NEBL: variants seen among roughly 807,000 people sequenced by gnomAD.
NEBL encodes the protein nebulette, also known as LIM and SH3 protein 2.
In NEBL, 122 loss-of-function variants were observed where a neutral mutation model predicts 140.2. The observed-to-expected ratio is 0.87, with a 90% CI of 0.75 to 1.01. The LOEUF (loss-of-function observed/expected upper bound fraction) is 1.01. NEBL is among the 50% of genes least tolerant of loss of function. The pLI is 0.00. For synonymous variants in NEBL, 436 were observed against 398.9 expected, an observed-to-expected ratio of 1.09 and a Z score of -1.11; for missense variants, 1,365 against 1,231.3, an observed-to-expected ratio of 1.11 and a Z score of -1.62.
At chr10:20,866,161 C>T (rs558122948) in intron 7 of NEBL, among the ~76,000 whole-genome samples, 5 of 152,038 alleles carry the variant, frequency 3.3e-5, no homozygotes, top group Admixed American at 1.3e-4. Flanking sequence ...CCTATAATTG[C>T]GCTCTGAAAT....
chr10:21,137,222 G>C (rs976460973), intron 2 of NEBL, among the ~76,000 whole-genome samples: 5 of 152,100 alleles, frequency 3.3e-5, no homozygotes, highest in African/African-American at 7.2e-5. Context: ...TGTCTCAAAG[G>C]GTTGTTAAAA....
At chr10:21,227,699 T>TTCC (rs1842176433) in intron 3 of NEBL, among the ~76,000 whole-genome samples, 1 of 80,662 alleles carries the variant, frequency 1.2e-5, no homozygotes, top group African/African-American at 6.4e-5. Context: ...CTTCTTCTTC[T>TTCC]TCTTCTTCTT....
intron 2 of NEBL, among the ~76,000 whole-genome samples, chr10:21,166,112 C>T (rs561043068): frequency 6.8e-6 from 1 of 147,922 alleles, no homozygotes; most frequent in South Asian, 2.2e-4. Context: ...CCCAGCTACT[C>T]CGGAGGCTGA....
intron 26 of NEBL, among the ~76,000 whole-genome samples, chr10:20,799,181 A>G (rs970373998): frequency 1.3e-5 from 2 of 152,196 alleles, no homozygotes; most frequent in Non-Finnish European, 1.5e-5. Flanking sequence ...TTTGAGGCAG[A>G]GTCTTGCTCC....
At chr10:21,131,390 A>G (rs1258982597) in intron 2 of NEBL, among the ~76,000 whole-genome samples, 1 of 152,164 alleles carries the variant, frequency 6.6e-6, no homozygotes, top group Non-Finnish European at 1.5e-5. Flanking sequence ...ACTCATTCTT[A>G]CGACACCCTC....
intron 7 of NEBL, among the ~76,000 whole-genome samples, chr10:20,864,249 G>A (rs1844034470): frequency 6.6e-6 from 1 of 152,110 alleles, no homozygotes; most frequent in Non-Finnish European, 1.5e-5. Flanking sequence ...GACTTCAACA[G>A]TTACTGTACT....
intron 2 of NEBL, among the ~76,000 whole-genome samples, chr10:21,101,743 G>A (rs907547230): frequency 3.3e-5 from 5 of 152,118 alleles, no homozygotes; most frequent in South Asian, 2.1e-4. Flanking sequence ...TGTCAAGCAC[G>A]CCACTAAAAC....
intron 2 of NEBL, among the ~76,000 whole-genome samples, chr10:21,116,347 G>A (rs1205659532): frequency 6.6e-6 from 1 of 151,680 alleles, no homozygotes. Flanking sequence ...GTTCTCACAC[G>A]GTACACGCAA....
At chr10:20,949,951 A>G (rs1835378905) in intron 4 of NEBL, among the ~76,000 whole-genome samples, 1 of 152,252 alleles carries the variant, frequency 6.6e-6, no homozygotes, top group East Asian at 1.9e-4. Context: ...CTTGAAATCA[A>G]TGATTCAGTG....
intron 5 of NEBL, among the ~76,000 whole-genome samples, chr10:20,875,914 G>C (rs571883068): frequency 6.6e-6 from 1 of 152,300 alleles, no homozygotes; most frequent in Non-Finnish European, 1.5e-5. Context: ...CTGGTATATA[G>C]TGGTAATCTT....
intron 3 of NEBL, among the ~76,000 whole-genome samples, chr10:20,988,836 C>T (rs1156666336): frequency 6.6e-6 from 1 of 152,206 alleles, no homozygotes; most frequent in African/African-American, 2.4e-5. Flanking sequence ...ATCCATTGGG[C>T]AATTCTGCCA....
intron 2 of NEBL, among the ~76,000 whole-genome samples, chr10:21,031,816 T>A (rs1330695467): frequency 6.6e-6 from 1 of 152,334 alleles, no homozygotes; most frequent in African/African-American, 2.4e-5. Flanking sequence ...GGACAGAGTA[T>A]ACACATACTC....
At chr10:21,057,713 C>T (rs1835092413) in intron 2 of NEBL, among the ~76,000 whole-genome samples, 1 of 151,796 alleles carries the variant, frequency 6.6e-6, no homozygotes, top group Non-Finnish European at 1.5e-5. Context: ...GCACACCCAG[C>T]TTATTTTTGT....
At chr10:21,223,375 G>A (rs996613739) in intron 3 of NEBL, among the ~76,000 whole-genome samples, 11 of 152,132 alleles carry the variant, frequency 7.2e-5, no homozygotes, top group African/African-American at 2.7e-4. Context: ...ACAAATGATA[G>A]GATCACATTC....
At position 21,194,885 on chromosome 10, in the gene NEBL, C is replaced by T. The variant is rs115360444; in HGVS notation, n.349-22408G>A. ...TAGTCAGATGTAATCTGACATGACTCACTTCAGGGAAATCAGAAAGGAAGC... is the reference window on the plus strand; with the variant it reads ...TAGTCAGATGTAATCTGACATGACTTACTTCAGGGAAATCAGAAAGGAAGC... On this transcript the variant is annotated intron_variant and non_coding_transcript_variant, in intron 3 of 8. Coordinates refer to the NEBL transcript ENST00000675702. Among the ~76,000 whole-genome samples the T allele has an allele frequency of 4.1e-3, 617 of 149,832 alleles. 4 individuals are homozygous for T. Among genetic ancestry groups the T allele is most frequent in the African/African-American group, 0.015 (598 of 41,058 alleles).
At chr10:21,207,818 A>G (rs1442360703) in intron 3 of NEBL, among the ~76,000 whole-genome samples, 1 of 152,184 alleles carries the variant, frequency 6.6e-6, no homozygotes, top group Non-Finnish European at 1.5e-5. Context: ...GAAACCATTC[A>G]TTTAAAAAGT....
At position 20,911,341 on chromosome 10, in the gene NEBL, G is replaced by A. The variant is rs148481274; in HGVS notation, c.357+50331C>T. On this transcript the variant is annotated intron_variant, in intron 4 of 6. Transcript: ENST00000417816. ...TTAGAATAAGATCTTCTATGTTGAT[G>A]TATACACCTGTTGTGAGCATTCAAC... is the stretch of plus-strand genomic sequence containing the variant. 2.1e-3 allele frequency among the ~76,000 whole-genome samples: 316 copies of A among 152,268 alleles called. 1 individual carries two copies. Among genetic ancestry groups the A allele is most frequent in the African/African-American group, 7.2e-3 (298 of 41,538 alleles).
chr10:20,893,343 G>A (rs1588961805), intron 2 of NEBL, among the ~76,000 whole-genome samples: 1 of 152,148 alleles, frequency 6.6e-6, no homozygotes, highest in East Asian at 1.9e-4. Context: ...ATGACAGAGA[G>A]AATATCTGTG....
intron 3 of NEBL, among the ~76,000 whole-genome samples, chr10:21,208,678 C>T (rs957897709): frequency 6.6e-6 from 1 of 152,116 alleles, no homozygotes; most frequent in Non-Finnish European, 1.5e-5. Context: ...CCACTATTCC[C>T]TATGGCCCCT....
Sources: allele counts gnomAD v4.1 joint callset (sites outside exome capture counted in the v4.1 genomes callset), GRCh38; gene constraint gnomAD v4.1.1; transcripts MANE v1.5; gene names NCBI Gene and HGNC (gene_info 2026-07-23, HGNC 2026-07-21).